Variants in ZNF679 observed in about 807,000 individuals in gnomAD.
The protein encoded by ZNF679 is hypothetical protein MGC42415.
A neutral mutation model predicts 13.4 loss-of-function variants in ZNF679; 10 were observed. The ratio of observed to expected loss-of-function variants is 0.75; its 90% CI spans 0.46 to 1.27. The LOEUF (loss-of-function observed/expected upper bound fraction) is 1.27. ZNF679 is among the 50% of genes most tolerant of loss of function. The pLI is 0.00. For synonymous variants in ZNF679, 179 were observed against 162.5 expected (o/e 1.10, Z -0.77); for missense variants, 525 against 477.8 (o/e 1.10, Z -0.92).
intron 1 of ZNF679, among the ~76,000 whole-genome samples, chr7:64,230,478 A>T (rs1787621989): frequency 6.7e-6 from 1 of 150,098 alleles, no homozygotes; most frequent in Non-Finnish European, 1.5e-5. Flanking sequence ...GCTTGCAGTG[A>T]GCCGAGATTG....
intron 2 of ZNF679, among the ~76,000 whole-genome samples, chr7:64,258,010 G>A (rs1016295650): frequency 2.0e-5 from 3 of 152,140 alleles, no homozygotes; most frequent in Admixed American, 6.6e-5. Flanking sequence ...TTCAACCTTT[G>A]CATCAAAGGA....
chr7:64,231,973 A>T (rs1456717368), intron 1 of ZNF679, among the ~76,000 whole-genome samples: 1 of 152,244 alleles, frequency 6.6e-6, no homozygotes, highest in African/African-American at 2.4e-5. Context: ...TGCAATTCAC[A>T]ATCTCAACAG....
intron 1 of ZNF679, among the ~76,000 whole-genome samples, chr7:64,238,534 C>T (rs563399795): frequency 6.6e-6 from 1 of 152,098 alleles, no homozygotes; most frequent in South Asian, 2.1e-4. Flanking sequence ...ATTACAGGTA[C>T]CCACCACCAC....
chr7:64,231,551 T>C (rs1787639310), intron 1 of ZNF679, among the ~76,000 whole-genome samples: 1 of 152,102 alleles, frequency 6.6e-6, no homozygotes, highest in South Asian at 2.1e-4. Flanking sequence ...GTCACATAGT[T>C]TATGGGCTCA....
chr7:64,264,401 G>A (rs567957008), intron 4 of ZNF679, among the ~76,000 whole-genome samples: 10 of 151,940 alleles, frequency 6.6e-5, no homozygotes, highest in African/African-American at 1.7e-4. Context: ...AACTAAAAAT[G>A]TTTTCTGCAT....
intron 1 of ZNF679, among the ~76,000 whole-genome samples, chr7:64,244,323 C>A (rs1162646481): frequency 6.6e-6 from 1 of 152,144 alleles, no homozygotes; most frequent in African/African-American, 2.4e-5. Context: ...TTATTTAATT[C>A]TCTAATTACT....
At chr7:64,231,888 AT>A (rs1326183462) in intron 1 of ZNF679, among the ~76,000 whole-genome samples, 38 of 152,200 alleles carry the variant, frequency 2.5e-4, no homozygotes, top group African/African-American at 7.7e-4. Context: ...AGATCCAGAA[AT>A]AAAATTTCTA....
intron 4 of ZNF679, among the ~76,000 whole-genome samples, chr7:64,264,932 T>C (rs146560820): frequency 0.013 from 1,988 of 152,146 alleles, 22 homozygotes; most frequent in Middle Eastern, 0.024. Flanking sequence ...TTTAATTCCA[T>C]GATTGTTTTG....
chr7:64,234,972 G>C (rs933124178), intron 1 of ZNF679, among the ~76,000 whole-genome samples: 5 of 152,214 alleles, frequency 3.3e-5, no homozygotes, highest in Admixed American at 1.3e-4. Context: ...CGAGTAGCTG[G>C]GACTACAGGC....
At chr7:64,253,629 A>G (rs765783335) in intron 2 of ZNF679, among the ~76,000 whole-genome samples, 1 of 152,262 alleles carries the variant, frequency 6.6e-6, no homozygotes, top group Non-Finnish European at 1.5e-5. Flanking sequence ...AATCCCAACA[A>G]CAGAAAAAAG....
At chr7:64,230,453 A>T (rs1317573453) in intron 1 of ZNF679, among the ~76,000 whole-genome samples, 1 of 151,780 alleles carries the variant, frequency 6.6e-6, no homozygotes, top group Non-Finnish European at 1.5e-5. Flanking sequence ...GAATGGCGTG[A>T]ACCCGGGAAG....
intron 2 of ZNF679, among the ~76,000 whole-genome samples, chr7:64,256,986 G>A (rs1788013170): frequency 6.6e-6 from 1 of 152,118 alleles, no homozygotes; most frequent in Non-Finnish European, 1.5e-5. Context: ...GTGAGCCACT[G>A]TGCCTGGCCT....
intron 1 of ZNF679, among the ~76,000 whole-genome samples, chr7:64,228,865 A>T (rs1787597165): frequency 6.6e-6 from 1 of 152,204 alleles, no homozygotes; most frequent in Admixed American, 6.5e-5. Context: ...TGGGCATGAG[A>T]TTCAGAACCT....
At chr7:64,246,932 T>C (rs1268323264) in intron 1 of ZNF679, among the ~76,000 whole-genome samples, 1 of 152,186 alleles carries the variant, frequency 6.6e-6, no homozygotes, top group African/African-American at 2.4e-5. Context: ...TTCTTGATTA[T>C]ATGCTAAACA....
chr7:64,258,545 AC>A (rs1202649306), intron 2 of ZNF679, among the ~76,000 whole-genome samples: 1 of 151,438 alleles, frequency 6.6e-6, no homozygotes, highest in Non-Finnish European at 1.5e-5. Context: ...TATTAAAAAT[AC>A]AAAAATCAGC....
chr7:64,249,295 T>C, intron 2 of ZNF679, 139 bp downstream of exon 2: 1 of 1,396,012 alleles, frequency 7.2e-7, no homozygotes, highest in Non-Finnish European at 9.9e-7. Flanking sequence ...CCAGGTGGGC[T>C]GTTAGTCCCC....
rs1332578863 is a variant in ZNF679 at position 64,266,077 on chromosome 7, G to A, written c.444G>A (p.Leu148=). The A allele has an allele frequency of 1.6e-5, 26 of 1,613,028 alleles. No homozygotes were observed. Among genetic ancestry groups the A allele is most frequent in the South Asian group, 6.6e-5 (6 of 91,040 alleles). The change falls in exon 5 of 5, where the codon TTG becomes TTA. Residue 148 remains leucine (L), a synonymous_variant. Transcript: ENST00000421025. ...GTTGTAATGAAGTTAACCAATGTTT[G>A]TCAACTACCCAAAACAAAATATTTC... is the stretch of plus-strand genomic sequence containing the variant. ...KGGCNEVNQC[L]STTQNKIFQT...
intron 1 of ZNF679, among the ~76,000 whole-genome samples, chr7:64,237,220 G>C (rs1787739259): frequency 6.6e-6 from 1 of 152,168 alleles, no homozygotes; most frequent in Non-Finnish European, 1.5e-5. Flanking sequence ...AAGAAACCAT[G>C]AGTCCTCTGG....
In ZNF679 at chr7:64,266,349, C is replaced by T; in HGVS notation, c.716C>T (p.Pro239Leu). The change falls in exon 5 of 5, where the codon CCC (proline) becomes CTC (leucine). Residue 239 changes from proline to leucine, a missense_variant. Coordinates refer to ENST00000421025, the MANE Select transcript of ZNF679 (RefSeq NM_153363.3). Reference protein sequence around the residue: ...KHKRIHTGEKPYRCEECGKAF... With the variant: ...KHKRIHTGEKLYRCEECGKAF... ...AAAAGAATTCATACTGGAGAGAAAC[C>T]CTACAGATGTGAGGAATGTGGCAAA... is the stretch of plus-strand genomic sequence containing the variant. The T allele has an allele frequency of 6.2e-7, 1 of 1,613,466 alleles. No individual in the cohort carries two copies. The highest frequency in any genetic ancestry group is 1.7e-4 in the Middle Eastern group (1 of 6,054).
Sources: gnomAD v4.1 joint callset for allele counts (sites outside exome capture counted in the v4.1 genomes callset) on GRCh38, gnomAD v4.1.1 for gene constraint, MANE v1.5 for transcripts, NCBI Gene and HGNC (gene_info 2026-07-23, HGNC 2026-07-21) for gene names.